The following TBC1D7 variants were observed in gnomAD, a reference collection of about 807,000 sequenced individuals.
TBC1D7 encodes TBC1 domain family member 7.
In TBC1D7, 33 loss-of-function variants were observed where a neutral mutation model predicts 35.3. The ratio of observed to expected loss-of-function variants is 0.93; its 90% CI spans 0.71 to 1.25. The LOEUF (loss-of-function observed/expected upper bound fraction) is 1.25. Among genes scored for constraint, TBC1D7 ranks in the 50% most tolerant of loss-of-function variants. The probability of loss-of-function intolerance (pLI) is 0.00; values close to 1 mark genes in which losing one functional copy is unlikely to be tolerated. For missense variants in TBC1D7, 362 were observed against 365.3 expected (o/e 0.99, Z 0.07); for synonymous variants, 135 against 129.5 (o/e 1.04, Z -0.29).
At chr6:13,312,908 C>A (rs1426391117) in intron 5 of TBC1D7, among the ~76,000 whole-genome samples, 3 of 151,834 alleles carry the variant, frequency 2.0e-5, no homozygotes, top group African/African-American at 7.3e-5. Flanking sequence ...GTACAGTCGA[C>A]CCTCATATCC....
At chr6:13,325,016 T>G in intron 3 of TBC1D7, 78 bp downstream of exon 3, 1 of 1,140,240 alleles carries the variant, frequency 8.8e-7, no homozygotes, top group Non-Finnish European at 1.3e-6. Context: ...ATTCTCCTTT[T>G]TCTGACTGAT....
At chr6:13,306,344 A>C in intron 7 of TBC1D7, 54 bp downstream of exon 7, 1 of 1,531,420 alleles carries the variant, frequency 6.5e-7, no homozygotes, top group Non-Finnish European at 8.7e-7. Flanking sequence ...GGAAAATCTG[A>C]CTTGCTAAGG....
chr6:13,311,177 C>A (rs982088887), intron 5 of TBC1D7, among the ~76,000 whole-genome samples: 12 of 152,178 alleles, frequency 7.9e-5, no homozygotes, highest in Non-Finnish European at 5.9e-5. Flanking sequence ...CTTTAAAAAA[C>A]TGTGTCAATA....
chr6:13,323,074 C>G (rs527359433), intron 3 of TBC1D7, among the ~76,000 whole-genome samples: 1 of 152,070 alleles, frequency 6.6e-6, no homozygotes, highest in Admixed American at 6.5e-5. Context: ...AAAGGTGGGC[C>G]GAGCGCGGTG....
At chr6:13,323,383 G>A (rs1784183608) in intron 3 of TBC1D7, among the ~76,000 whole-genome samples, 1 of 151,806 alleles carries the variant, frequency 6.6e-6, no homozygotes, top group African/African-American at 2.4e-5. Context: ...AGAAAGAATG[G>A]TTAAGAAGAG....
intron 5 of TBC1D7, among the ~76,000 whole-genome samples, chr6:13,316,067 C>A (rs1425248351): frequency 6.6e-6 from 1 of 152,226 alleles, no homozygotes; most frequent in African/African-American, 2.4e-5. Flanking sequence ...GAGGAAAGAT[C>A]ATTCCTATGA....
intron 7 of TBC1D7, 168 bp downstream of exon 7, chr6:13,306,230 A>G (rs1280601533): frequency 2.0e-6 from 1 of 511,440 alleles, no homozygotes; most frequent in East Asian, 4.3e-5. Context: ...TCTCTTAAAT[A>G]ATTTCCCTAA....
rs1554196299 is a variant in TBC1D7, at chr6:13,328,514, TGCCGCTGCCGCC to T, written c.-239_-228del. The T allele has an allele frequency of 1.3e-5, 2 of 157,782 alleles. No homozygotes were observed. Among genetic ancestry groups the T allele is most frequent in the Non-Finnish European group, 1.4e-5 (1 of 71,046 alleles). The allele number at this position is 157,782 out of a possible 1,614,324, so 9.8% of individuals were successfully genotyped here. On this transcript the variant is annotated 5_prime_UTR_variant, in exon 1 of 8. Transcript: ENST00000379300. ...AGACAAAACTCAGCGCCGCTGCCGC[TGCCGCTGCCGCC>T]GCCGCCGGACGTGACATCAACTCCA... is the stretch of plus-strand genomic sequence containing the variant.
At chr6:13,323,285 A>G (rs143130432) in intron 3 of TBC1D7, among the ~76,000 whole-genome samples, 288 of 152,242 alleles carry the variant, frequency 1.9e-3, no homozygotes, top group African/African-American at 6.7e-3. Context: ...CCCGGGAGGC[A>G]GAGGTTGCAG....
chr6:13,326,949 A>T (rs750204775), intron 1 of TBC1D7, 43 bp from the exon 2 acceptor site: 7 of 1,156,550 alleles, frequency 6.1e-6, no homozygotes, highest in Non-Finnish European at 8.9e-6. Flanking sequence ...AGAAAGACGA[A>T]GGGGAAAAGT....
chr6:13,319,806 CAA>C (rs1783899518), intron 4 of TBC1D7: 1 of 152,000 alleles, frequency 6.6e-6, no homozygotes, highest in African/African-American at 2.4e-5. Context: ...TACTCATGAG[CAA>C]AAGTTTAATA....
intron 6 of TBC1D7, 108 bp downstream of exon 6, chr6:13,307,492 T>A: frequency 9.1e-7 from 1 of 1,095,016 alleles, no homozygotes; most frequent in Admixed American, 2.1e-5. Context: ...AGCTTCAAAT[T>A]ACTGTATTGT....
Position 13,321,027 on chromosome 6 carries a change from C to T in TBC1D7, c.262G>A (p.Val88Ile). Residue 88 changes from valine to isoleucine, a missense_variant, in exon 4 of 8, where the codon GTC becomes ATC. Transcript: ENST00000379300. The stretch of plus-strand genomic sequence containing the variant: ...CGAACGACTTTCAGGGCATGAAGGA[C>T]ATCCAAGTACTGCTCCTTACGATAC... ...MMYRKEQYLD[V>I]LHALKVVRFV... 1 of 1,614,146 alleles carries T rather than the reference C, an allele frequency of 6.2e-7. No homozygotes were observed. Among genetic ancestry groups the T allele is most frequent in the Non-Finnish European group, 8.5e-7 (1 of 1,179,994 alleles).
chr6:13,317,594 G>C (rs1244675163), intron 4 of TBC1D7, among the ~76,000 whole-genome samples: 1 of 152,164 alleles, frequency 6.6e-6, no homozygotes, highest in African/African-American at 2.4e-5. Context: ...TTAAATCATA[G>C]GGAATAAGTT....
At position 13,305,057 on chromosome 6, in the gene TBC1D7, C is replaced by G; in HGVS notation, c.*44G>C. 3 of 1,458,206 alleles carry G rather than the reference C, an allele frequency of 2.1e-6. No homozygotes were observed. Among genetic ancestry groups the G allele is most frequent in the Non-Finnish European group, 1.9e-6 (2 of 1,066,088 alleles). The allele number at this position is 1,458,206 out of a possible 1,614,324, so 90.3% of individuals were successfully genotyped here. ...CAGATCACATGCCAAGAACACAATG[C>G]TCACTGTGGTGCCTGGCAGACGGTC... On this transcript the variant is annotated 3_prime_UTR_variant, in exon 8 of 8. Coordinates refer to ENST00000379300, the MANE Select transcript of TBC1D7 (RefSeq NM_016495.6).
At chr6:13,321,317 T>C (rs371973492) in intron 3 of TBC1D7, among the ~76,000 whole-genome samples, 3 of 152,184 alleles carry the variant, frequency 2.0e-5, no homozygotes, top group Admixed American at 6.5e-5. Flanking sequence ...ATCACTGATA[T>C]GAGAGAGAAA....
rs141663120 is a variant in TBC1D7, at chr6:13,321,047, C to A, written c.242G>T (p.Arg81Leu). The change falls in exon 4 of 8, where the codon CGT becomes CTT. Residue 81 changes from arginine to leucine, a missense_variant. By Grantham distance (102) the Arg-to-Leu change is moderately radical (BLOSUM62 -2). Coordinates refer to ENST00000379300, the MANE Select transcript of TBC1D7 (RefSeq NM_016495.6). ...AAGGACATCCAAGTACTGCTCCTTA[C>A]GATACATCATCACCTTGGCATGGGA... The part of the protein sequence containing the change: ...HESHAKVMMY[R>L]KEQYLDVLHA... The A allele has an allele frequency of 1.1e-4, 184 of 1,614,080 alleles. 2 individuals are homozygous for A. The South Asian group carries it at 1.7e-3, about 15-fold the overall frequency.
chr6:13,325,996 G>T (rs903979068), intron 2 of TBC1D7, among the ~76,000 whole-genome samples: 1 of 152,168 alleles, frequency 6.6e-6, no homozygotes, highest in Non-Finnish European at 1.5e-5. Flanking sequence ...CCGCACAATT[G>T]AAGATCAAAG....
intron 4 of TBC1D7, among the ~76,000 whole-genome samples, chr6:13,317,634 G>A (rs1036649194): frequency 6.6e-6 from 1 of 152,196 alleles, no homozygotes; most frequent in Admixed American, 6.5e-5. Context: ...ATGTGTCAAA[G>A]GAGAATGGAA....
Sources: gnomAD v4.1 joint callset for allele counts (sites outside exome capture counted in the v4.1 genomes callset) on GRCh38, gnomAD v4.1.1 for gene constraint, MANE v1.5 for transcripts, NCBI Gene and HGNC (gene_info 2026-07-23, HGNC 2026-07-21) for gene names.